The following XAF1 variants were observed in gnomAD, a reference collection of about 807,000 sequenced individuals.
The protein encoded by XAF1 is XIAP-associated factor 1.
Under a neutral mutation model 32.3 loss-of-function variants are expected in XAF1, and 32 were observed. The observed-to-expected ratio is 0.99, with a 90% CI of 0.75 to 1.33. The LOEUF (loss-of-function observed/expected upper bound fraction) is 1.33. Ranked by LOEUF, XAF1 falls within the 40% of genes most tolerant of loss-of-function variation. The pLI is 0.00. For missense variants in XAF1, 379 were observed against 366.0 expected, an observed-to-expected ratio of 1.04 and a Z score of -0.29; for synonymous variants, 120 against 125.9, an observed-to-expected ratio of 0.95 and a Z score of 0.31.
At chr17:6,771,024 A>G in intron 6 of XAF1, 40 bp downstream of exon 6, 2 of 1,592,768 alleles carry the variant, frequency 1.3e-6, no homozygotes, top group Non-Finnish European at 1.7e-6. Flanking sequence ...TCTGGGAACC[A>G]TCCGCACAGT....
At position 6,774,913 on chromosome 17, in the gene XAF1, C is replaced by A. The variant is rs1200421382; in HGVS notation, c.*1744C>A. 2 of 152,062 alleles carry A rather than the reference C, an allele frequency of 1.3e-5. No homozygotes were observed. The highest frequency in any genetic ancestry group is 2.4e-5 in the African/African-American group (1 of 41,378). 9.4% of individuals were successfully genotyped at this position (152,062 alleles called of 1,614,324 possible). A position where few individuals can be genotyped will look rare whatever the true frequency, so the allele number is the denominator to read the frequency against. Reference sequence around the variant, plus strand: ...AAAATTAGCCAGGCGTGGTGGCGAGCACCTGTCATCCCAGCTACTTGGGAG... The same window carrying A: ...AAAATTAGCCAGGCGTGGTGGCGAGAACCTGTCATCCCAGCTACTTGGGAG... On this transcript the variant is annotated 3_prime_UTR_variant, in exon 7 of 7. Transcript: ENST00000361842.
Position 6,759,629 on chromosome 17 carries a change from G to GGTGTGTGTGTGTGT in XAF1, c.169-18_169-5dup, listed in dbSNP as rs3833979. 29 of 1,512,416 alleles carry GGTGTGTGTGTGTGT rather than the reference G, an allele frequency of 1.9e-5. No homozygotes were observed. In the African/African-American group the frequency reaches 3.9e-4, roughly 20 times the overall value. 93.7% of individuals were successfully genotyped at this position (1,512,416 alleles called of 1,614,324 possible). A position where few individuals can be genotyped will look rare whatever the true frequency, so the allele number is the denominator to read the frequency against. The stretch of plus-strand genomic sequence containing the variant: ...CTGGGTGCTGGGTGGACCCACATCT[G>GGTGTGTGTGTGTGT]GTGTGTGTGTGTGTGTGTGTGTGTG... On this transcript the variant is annotated intron_variant, in intron 2 of 6. Transcript: ENST00000361842.
intron 4 of XAF1, among the ~76,000 whole-genome samples, chr17:6,761,336 G>A (rs2151536746): frequency 6.6e-6 from 1 of 152,330 alleles, no homozygotes; most frequent in East Asian, 1.9e-4. Context: ...GCACTTCCTG[G>A]CACTGAATCT....
chr17:6,762,313 C>T (rs1226461931), intron 5 of XAF1, 73 bp downstream of exon 5: 25 of 1,340,226 alleles, frequency 1.9e-5, no homozygotes, highest in Non-Finnish European at 7.1e-6. Context: ...ATAGGAAAGG[C>T]AGATTCTGGG....
rs1412105212 is a variant in XAF1 at position 6,773,330 on chromosome 17, C to T, written c.*161C>T. 1.7e-6 allele frequency: 1 copy of T among 576,828 alleles called. No individual in the cohort carries two copies. The highest frequency in any genetic ancestry group is 3.9e-5 in the Admixed American group (1 of 25,646). 35.7% of individuals were successfully genotyped at this position (576,828 alleles called of 1,614,324 possible). On this transcript the variant is annotated 3_prime_UTR_variant, in exon 7 of 7. Coordinates refer to ENST00000361842, the MANE Select transcript of XAF1 (RefSeq NM_017523.5). Reference sequence around the variant, plus strand: ...ACTAAAAACAAAACTCACGTATCATCTCAATAGATACAGAAAAGGCTTTTG... The same window carrying T: ...ACTAAAAACAAAACTCACGTATCATTTCAATAGATACAGAAAAGGCTTTTG...
At chr17:6,760,368 A>AT in intron 3 of XAF1, 38 bp from the exon 4 acceptor site, 11 of 1,425,758 alleles carry the variant, frequency 7.7e-6, no homozygotes, top group African/African-American at 1.5e-5. Flanking sequence ...AAAAAAAAAA[A>AT]GGGCCAGTGA....
rs1976185635 is a variant in XAF1 at position 6,773,154 on chromosome 17, G to A, written c.891G>A (p.Val297=). 1 of 1,603,456 alleles carries A rather than the reference G, an allele frequency of 6.2e-7. No individual in the cohort carries two copies. Among genetic ancestry groups the A allele is most frequent in the African/African-American group, 1.3e-5 (1 of 74,074 alleles). ...RWLASSKGKQ[V]RNFS ...TAGCTTCATCAAAAGGAAAACAAGT[G>A]AGAAATTTCAGCTAGATTTGGAAAA... Residue 297 remains valine, a synonymous_variant, in exon 7 of 7, where the codon GTG becomes GTA. Coordinates refer to ENST00000361842, the MANE Select transcript of XAF1 (RefSeq NM_017523.5).
At chr17:6,769,059 CT>C (rs1424327601) in intron 5 of XAF1, among the ~76,000 whole-genome samples, 7 of 151,826 alleles carry the variant, frequency 4.6e-5, no homozygotes, top group South Asian at 4.2e-4. Flanking sequence ...CATGACTCTC[CT>C]TTTTTTTCAT....
chr17:6,758,020 A>C, intron 1 of XAF1, 69 bp from the exon 2 acceptor site: 1 of 1,604,476 alleles, frequency 6.2e-7, no homozygotes, highest in Non-Finnish European at 8.5e-7. Flanking sequence ...CCTGGGTATG[A>C]AATACAGCTC....
At chr17:6,756,906 G>A (rs1017677013) in intron 1 of XAF1, among the ~76,000 whole-genome samples, 1 of 152,124 alleles carries the variant, frequency 6.6e-6, no homozygotes, top group Non-Finnish European at 1.5e-5. Context: ...GGCCTTTACG[G>A]CTACAGCCAC....
At position 6,775,564 on chromosome 17, in the gene XAF1, G is replaced by A. The variant is rs955633694; in HGVS notation, c.*2395G>A. ...TCTGAAAATTCTGATTAAGCCTCTG[G>A]GCCCTACAGCCTGGAGAACCTGGAG... On this transcript the variant is annotated 3_prime_UTR_variant, in exon 7 of 7. Transcript: ENST00000361842. 3.3e-5 allele frequency: 5 copies of A among 152,180 alleles called. No individual in the cohort carries two copies. Among genetic ancestry groups the A allele is most frequent in the Non-Finnish European group, 7.3e-5 (5 of 68,044 alleles). The allele number at this position is 152,180 out of a possible 1,614,324, so 9.4% of individuals were successfully genotyped here.
chr17:6,758,411 C>T lies in XAF1; in HGVS notation c.168+187C>T, dbSNP rs1597715034. ...GAGAGATGGGGTCTGAGAGTCAAGG[C>T]GAGTGTTCAGTCCTCTCTGCAGGTG... On this transcript the variant is annotated intron_variant, in intron 2 of 6. Coordinates refer to ENST00000361842, the MANE Select transcript of XAF1 (RefSeq NM_017523.5). 2.2e-5 allele frequency: 18 copies of T among 824,946 alleles called. No homozygotes were observed. In the East Asian group the frequency reaches 2.6e-4, roughly 12 times the overall value. The allele number at this position is 824,946 out of a possible 1,614,324, so 51.1% of individuals were successfully genotyped here. A position where few individuals can be genotyped will look rare whatever the true frequency, so the allele number is the denominator to read the frequency against.
At chr17:6,756,864 G>A (rs1397189634) in intron 1 of XAF1, among the ~76,000 whole-genome samples, 1 of 152,168 alleles carries the variant, frequency 6.6e-6, no homozygotes, top group Non-Finnish European at 1.5e-5. Context: ...CCTGTGCCAG[G>A]AACATGGGCA....
chr17:6,764,941 T>C (rs1975482475), intron 5 of XAF1, among the ~76,000 whole-genome samples: 1 of 152,214 alleles, frequency 6.6e-6, no homozygotes, highest in Admixed American at 6.5e-5. Context: ...TCTTCCTCAG[T>C]GGACTTTCTC....
intron 2 of XAF1, chr17:6,758,472 C>T: frequency 1.8e-6 from 1 of 570,786 alleles, no homozygotes; most frequent in East Asian, 3.3e-5. Context: ...GTGTTCAGTC[C>T]TCTCTGCAGG....
chr17:6,772,608 G>T (rs1488160838), intron 6 of XAF1, among the ~76,000 whole-genome samples: 1 of 151,282 alleles, frequency 6.6e-6, no homozygotes, highest in African/African-American at 2.4e-5. Flanking sequence ...GTAGCTGGGA[G>T]TACAGGCACC....
At chr17:6,764,733 C>T (rs956330751) in intron 5 of XAF1, among the ~76,000 whole-genome samples, 10 of 151,728 alleles carry the variant, frequency 6.6e-5, no homozygotes, top group South Asian at 4.2e-4. Flanking sequence ...TGTTCCCCTC[C>T]GTAGAAAAAC....
At chr17:6,758,884 C>T (rs1213931054) in intron 2 of XAF1, 1 of 171,968 alleles carries the variant, frequency 5.8e-6, no homozygotes, top group Non-Finnish European at 1.2e-5. Flanking sequence ...CTGGGAGTCA[C>T]AGAGTGGGTC....
intron 4 of XAF1, chr17:6,761,570 C>T: frequency 3.8e-6 from 1 of 262,434 alleles, no homozygotes; most frequent in Non-Finnish European, 7.5e-6. Flanking sequence ...CTAAAACTCC[C>T]CAGACAGTAA....
Sources: allele counts gnomAD v4.1 joint callset (sites outside exome capture counted in the v4.1 genomes callset), GRCh38; gene constraint gnomAD v4.1.1; transcripts MANE v1.5; gene names NCBI Gene and HGNC (gene_info 2026-07-23, HGNC 2026-07-21).